ATP6V1A: variants seen among roughly 807,000 people sequenced by gnomAD.
ATP6V1A encodes the protein ATPase H+ transporting V1 subunit A.
Under a neutral mutation model 70.1 loss-of-function variants are expected in ATP6V1A, and 18 were observed. The observed-to-expected ratio is 0.26, with a 90% confidence interval of 0.18 to 0.38. The LOEUF (loss-of-function observed/expected upper bound fraction) is 0.38. ATP6V1A is among the 10% of genes least tolerant of loss of function. The pLI is 1.00. For synonymous variants in ATP6V1A, 232 were observed against 253.8 expected (o/e 0.91, Z 0.82); for missense variants, 424 against 772.4 (o/e 0.55, Z 5.35).
At chr3:113,779,510 C>T (rs945401461) in intron 2 of ATP6V1A, among the ~76,000 whole-genome samples, 2 of 152,150 alleles carry the variant, frequency 1.3e-5, no homozygotes, top group Non-Finnish European at 2.9e-5. Context: ...ATCCTTAAAA[C>T]CTCATGCTAT....
At chr3:113,783,237 T>C (rs1708999209) in intron 3 of ATP6V1A, among the ~76,000 whole-genome samples, 1 of 152,204 alleles carries the variant, frequency 6.6e-6, no homozygotes, top group South Asian at 2.1e-4. Context: ...TTGGTTGTTA[T>C]AAACAGTGCT....
intron 1 of ATP6V1A, among the ~76,000 whole-genome samples, chr3:113,759,099 A>G (rs1431252887): frequency 6.6e-6 from 1 of 152,084 alleles, no homozygotes; most frequent in Non-Finnish European, 1.5e-5. Flanking sequence ...CCCAGTCTTT[A>G]CCTTGTCTTT....
chr3:113,801,252 T>G (rs1472317240), intron 12 of ATP6V1A: 2 of 151,608 alleles, frequency 1.3e-5, no homozygotes, highest in Admixed American at 6.6e-5. Flanking sequence ...AAAAAACTGA[T>G]GGACTAATGT....
At chr3:113,771,223 A>G (rs907001320) in intron 1 of ATP6V1A, among the ~76,000 whole-genome samples, 29 of 152,212 alleles carry the variant, frequency 1.9e-4, no homozygotes, top group Non-Finnish European at 2.9e-4. Flanking sequence ...GTAAGCATTC[A>G]ATGATGAAGC....
intron 1 of ATP6V1A, among the ~76,000 whole-genome samples, chr3:113,756,718 G>A (rs1050288872): frequency 4.6e-5 from 7 of 152,142 alleles, no homozygotes; most frequent in Admixed American, 6.5e-5. Flanking sequence ...TCTATCAATC[G>A]AAGTTTGAAT....
At chr3:113,771,611 G>T (rs1442522425) in intron 1 of ATP6V1A, among the ~76,000 whole-genome samples, 10 of 151,738 alleles carry the variant, frequency 6.6e-5, no homozygotes, top group African/African-American at 2.2e-4. Flanking sequence ...CTAATTTTTT[G>T]TATTTTCAGT....
At chr3:113,775,167 G>A (rs1222562685) in intron 1 of ATP6V1A, among the ~76,000 whole-genome samples, 1 of 151,744 alleles carries the variant, frequency 6.6e-6, no homozygotes, top group Admixed American at 6.6e-5. Flanking sequence ...CCAAATTCAG[G>A]ACCTATATTC....
At position 113,807,904 on chromosome 3, in the gene ATP6V1A, C is replaced by G. The variant is rs1156327700; in HGVS notation, c.1762-1431C>G. ...ATCCCAGCACTTTGGCAGGCCGAGG[C>G]GGGTGGATCACCTGAGGTCAGTTCT... On this transcript the variant is annotated intron_variant, in intron 14 of 14. Transcript: ENST00000273398. Among the ~76,000 whole-genome samples the G allele has an allele frequency of 5.9e-5, 9 of 152,024 alleles. No individual in the cohort carries two copies. In the South Asian group the frequency reaches 1.5e-3, roughly 25 times the overall value.
In ATP6V1A at chr3:113,776,084, C is replaced by T. The variant is rs192868072; in HGVS notation, c.-13-2657C>T. ...AAAATCCTAATAAATTTCTGCCAGG[C>T]GCGGTGGCTCATGTCTGTAATCCCA... On this transcript the variant is annotated intron_variant, in intron 1 of 14. Transcript: ENST00000273398. Among the ~76,000 whole-genome samples, 369 of 152,172 alleles carry T rather than the reference C, an allele frequency of 2.4e-3. 2 individuals are homozygous for T. Among genetic ancestry groups the T allele is most frequent in the South Asian group, 5.0e-3 (24 of 4,820 alleles).
At chr3:113,785,946 T>G (rs543906404) in intron 5 of ATP6V1A, among the ~76,000 whole-genome samples, 1 of 149,126 alleles carries the variant, frequency 6.7e-6, no homozygotes, top group African/African-American at 2.5e-5. Flanking sequence ...TAAGCAATCC[T>G]CCTGCCTCAG....
intron 1 of ATP6V1A, among the ~76,000 whole-genome samples, chr3:113,771,131 T>G (rs1282125695): frequency 2.6e-5 from 4 of 152,064 alleles, no homozygotes; most frequent in Non-Finnish European, 4.4e-5. Flanking sequence ...TAATCTAACT[T>G]GCAGTATAAT....
At chr3:113,772,129 T>C (rs1305252636) in intron 1 of ATP6V1A, among the ~76,000 whole-genome samples, 1 of 152,226 alleles carries the variant, frequency 6.6e-6, no homozygotes, top group African/African-American at 2.4e-5. Context: ...GAGAGTATCC[T>C]GCATCAGGCT....
chr3:113,779,521 A>G (rs192729893), intron 2 of ATP6V1A, among the ~76,000 whole-genome samples: 78 of 152,286 alleles, frequency 5.1e-4, no homozygotes, highest in Admixed American at 1.2e-3. Flanking sequence ...CTCATGCTAT[A>G]TAGTCTTTTT....
In ATP6V1A at chr3:113,800,224, T is replaced by C. The variant is rs1352112668; in HGVS notation, c.1494+1778T>C. Among the ~76,000 whole-genome samples, 10 of 143,118 alleles carry C rather than the reference T, an allele frequency of 7.0e-5. No homozygotes were observed. The South Asian group carries it at 1.8e-3, about 25-fold the overall frequency. 93.9% of individuals were successfully genotyped at this position (143,118 alleles called of 152,430 possible). A position where few individuals can be genotyped will look rare whatever the true frequency, so the allele number is the denominator to read the frequency against. Reference sequence around the variant, plus strand: ...TCTAGCCTGGGTGACAGAGTGAGACTCCATCTCAAAAAAAAAAAAAAAAGA... The same window carrying C: ...TCTAGCCTGGGTGACAGAGTGAGACCCCATCTCAAAAAAAAAAAAAAAAGA... On this transcript the variant is annotated intron_variant, in intron 12 of 14. Transcript: ENST00000273398.
At chr3:113,769,496 T>C (rs765461489) in intron 1 of ATP6V1A, among the ~76,000 whole-genome samples, 6 of 152,200 alleles carry the variant, frequency 3.9e-5, no homozygotes, top group Non-Finnish European at 5.9e-5. Context: ...CAGGATTTTG[T>C]ATGTGAGTAA....
At position 113,789,759 on chromosome 3, in the gene ATP6V1A, G is replaced by C; in HGVS notation, c.907G>C (p.Glu303Gln). 2 of 1,612,294 alleles carry C rather than the reference G, an allele frequency of 1.2e-6. No individual in the cohort carries two copies. Among genetic ancestry groups the C allele is most frequent in the Non-Finnish European group, 1.7e-6 (2 of 1,178,482 alleles). The change falls in exon 8 of 15, where the codon GAG becomes CAG. Residue 303 changes from glutamate to glutamine, a missense_variant. Physicochemically the swap from Glu to Gln is conservative, Grantham distance 29 (BLOSUM62 2). This residue lies in a region of ATP6V1A where 18 missense variants were observed against 16.2 expected (regional missense o/e 1.11). Transcript: ENST00000273398. ...CACAATGGAGGTTGATGGTAAGGTA[G>C]AGTCAATTATGAAGAGGACAGCTTT... is the stretch of plus-strand genomic sequence containing the variant. The part of the protein sequence containing the change: ...ELTMEVDGKV[E>Q]SIMKRTALVA...
At chr3:113,755,169 G>A (rs1179258688) in intron 1 of ATP6V1A, among the ~76,000 whole-genome samples, 2 of 152,156 alleles carry the variant, frequency 1.3e-5, no homozygotes, top group Non-Finnish European at 2.9e-5. Flanking sequence ...TCCTAGTGGT[G>A]TGACTTTGGA....
chr3:113,759,688 G>A (rs921850794), intron 1 of ATP6V1A, among the ~76,000 whole-genome samples: 8 of 152,024 alleles, frequency 5.3e-5, no homozygotes, highest in Admixed American at 4.6e-4. Context: ...CAGCTTTGGC[G>A]TCAGTTGAAT....
rs2108050119 is a variant in ATP6V1A, at chr3:113,811,172, C to G, written c.*1745C>G. On this transcript the variant is annotated 3_prime_UTR_variant, in exon 15 of 15. Transcript: ENST00000273398. ...AACATGGCTAACAATCTTCAAATAC[C>G]CAAATTGTGATAGCATAAATAAAGT... is the stretch of plus-strand genomic sequence containing the variant. 1 of 152,162 alleles carries G rather than the reference C, an allele frequency of 6.6e-6. No individual in the cohort carries two copies. Among genetic ancestry groups the G allele is most frequent in the South Asian group, 2.1e-4 (1 of 4,822 alleles). 9.4% of individuals were successfully genotyped at this position (152,162 alleles called of 1,614,324 possible). A position where few individuals can be genotyped will look rare whatever the true frequency, so the allele number is the denominator to read the frequency against.
Sources: allele counts gnomAD v4.1 joint callset (sites outside exome capture counted in the v4.1 genomes callset), GRCh38; gene constraint gnomAD v4.1.1; regional missense constraint gnomAD v4.1.1; transcripts MANE v1.5; gene names NCBI Gene and HGNC (gene_info 2026-07-23, HGNC 2026-07-21).